SMARCA4: variants seen among roughly 807,000 people sequenced by gnomAD.
The protein encoded by SMARCA4 is SWI/SNF-related matrix-associated actin-dependent regulator of chromatin subfamily A member 4.
SMARCA4 carries 31 observed loss-of-function variants against 193.9 expected under a neutral mutation model. The observed-to-expected ratio is 0.16, with a 90% confidence interval of 0.12 to 0.22. The LOEUF (loss-of-function observed/expected upper bound fraction) is 0.22, where lower values mean the gene tolerates loss of function less well. Ranked by LOEUF, SMARCA4 falls within the 10% of genes least tolerant of loss-of-function variation. SMARCA4 has a pLI of 1.00. For missense variants in SMARCA4, 1,148 were observed against 2,296.0 expected (o/e 0.50, Z 10.22); for synonymous variants, 942 against 933.1 (o/e 1.01, Z -0.17).
chr19:10,966,275 C>T (rs1308400524), intron 1 of SMARCA4, among the ~76,000 whole-genome samples: 4 of 152,166 alleles, frequency 2.6e-5, no homozygotes, highest in Middle Eastern at 3.4e-3. Context: ...TGAGCTACCG[C>T]GCCCGGCCAG....
rs756255060 is a variant in SMARCA4, at chr19:11,060,147, C to T, written c.4871C>T (p.Pro1624Leu). The T allele has an allele frequency of 8.4e-6, 13 of 1,551,064 alleles. No individual in the cohort carries two copies. Among genetic ancestry groups the T allele is most frequent in the Middle Eastern group, 1.7e-4 (1 of 5,974 alleles). ...CCGAGCCGAGGGTCCCGAGCCAAGCCGGTCGTGAGTGACGATGACAGTGAG... is the reference window on the plus strand; with the variant it reads ...CCGAGCCGAGGGTCCCGAGCCAAGCTGGTCGTGAGTGACGATGACAGTGAG... ...RRPSRGSRAKPVVSDDDSEEE... is the reference protein window; with the variant it reads ...RRPSRGSRAKLVVSDDDSEEE... Residue 1624 changes from proline (P) to leucine (L), a missense_variant, in exon 34 of 35, where the codon CCG (proline) becomes CTG (leucine). Coordinates refer to ENST00000344626, the MANE Select transcript of SMARCA4 (RefSeq NM_003072.5).
At chr19:10,993,306 A>G (rs2086719032) in intron 8 of SMARCA4, among the ~76,000 whole-genome samples, 1 of 152,128 alleles carries the variant, frequency 6.6e-6, no homozygotes, top group African/African-American at 2.4e-5. Flanking sequence ...GTTTTTAAGT[A>G]TCATGGAAAC....
In SMARCA4 at chr19:11,059,900, G is replaced by C. The variant is rs113131294; in HGVS notation, c.4768+15G>C. 0.012 allele frequency: 20,043 copies of C among 1,613,726 alleles called. 169 individuals carry two copies. Among genetic ancestry groups the C allele is most frequent in the Non-Finnish European group, 0.015 (18,231 of 1,179,986 alleles). On this transcript the variant is annotated intron_variant, in intron 33 of 34. Transcript: ENST00000344626. ...CGAATCCGAATGTGAGTCCCGGGGGGGTTCAGGACGCCGGGGTTCACGCTG... is the reference window on the plus strand; with the variant it reads ...CGAATCCGAATGTGAGTCCCGGGGGCGTTCAGGACGCCGGGGTTCACGCTG...
intron 1 of SMARCA4, among the ~76,000 whole-genome samples, chr19:10,979,456 G>A (rs1176083719): frequency 2.1e-5 from 3 of 145,048 alleles, no homozygotes; most frequent in African/African-American, 5.1e-5. Flanking sequence ...TGTTGCCCAC[G>A]ATCATGGCTC....
intron 1 of SMARCA4, among the ~76,000 whole-genome samples, chr19:10,965,475 T>A (rs527536063): frequency 1.3e-5 from 2 of 152,366 alleles, no homozygotes; most frequent in South Asian, 2.1e-4. Context: ...AGTCATAAGT[T>A]CTGTATGTTT....
rs1261694348 is a variant in SMARCA4 at position 10,985,015 on chromosome 19, G to A, written c.223-258G>A. ...TCACGGGCCACAGGAGGTCCCGGGT[G>A]GTAGAAGATGAGGATTGCTTGACCA... On this transcript the variant is annotated intron_variant, in intron 2 of 34. Transcript: ENST00000344626. This position sits in a 1 kb window ranked among gnomAD's most constrained non-coding sequence, Gnocchi z 4.5. Among the ~76,000 whole-genome samples, 1 of 152,196 alleles carries A rather than the reference G, an allele frequency of 6.6e-6. No homozygotes were observed. The highest frequency in any genetic ancestry group is 1.9e-4 in the East Asian group (1 of 5,186).
At chr19:10,969,004 A>T (rs866860519) in intron 1 of SMARCA4, among the ~76,000 whole-genome samples, 2 of 152,024 alleles carry the variant, frequency 1.3e-5, no homozygotes, top group Non-Finnish European at 2.9e-5. Context: ...TCGACCTTCA[A>T]GGTTCTCATC....
intron 11 of SMARCA4, among the ~76,000 whole-genome samples, chr19:10,999,696 A>C (rs979720476): frequency 6.6e-6 from 1 of 152,114 alleles, no homozygotes; most frequent in Non-Finnish European, 1.5e-5. Flanking sequence ...TGACACCTCC[A>C]ATTCTAATCC....
At position 10,987,022 on chromosome 19, in the gene SMARCA4, G is replaced by A; in HGVS notation, c.859+19G>A. 6.4e-7 allele frequency: 1 copy of A among 1,567,356 alleles called. No individual in the cohort carries two copies. The highest frequency in any genetic ancestry group is 8.7e-7 in the Non-Finnish European group (1 of 1,148,470). On this transcript the variant is annotated intron_variant, in intron 5 of 34. Transcript: ENST00000344626. This position sits in a 1 kb window ranked among gnomAD's most constrained non-coding sequence, Gnocchi z 5.3. ...CCTGAAGGTGAGCTCCCTCTTCTAT[G>A]GTGGTGCACCCGTGCCCTTACTCCC...
chr19:11,045,328 AAG>A (rs1359847908), intron 30 of SMARCA4, among the ~76,000 whole-genome samples: 1 of 152,104 alleles, frequency 6.6e-6, no homozygotes, highest in African/African-American at 2.4e-5. Context: ...TAAAAAAAAA[AAG>A]AGGGCCTACT....
intron 9 of SMARCA4, 75 bp from the exon 10 acceptor site, chr19:10,996,138 G>T (rs2145965001): frequency 6.6e-7 from 1 of 1,520,140 alleles, no homozygotes; most frequent in South Asian, 1.1e-5. Context: ...GTGCGCTTCT[G>T]GATTGACTGG....
intron 1 of SMARCA4, among the ~76,000 whole-genome samples, chr19:10,964,964 G>A (rs2084100630): frequency 6.6e-6 from 1 of 152,114 alleles, no homozygotes; most frequent in African/African-American, 2.4e-5. Flanking sequence ...GAGGCCTAGG[G>A]TTATTTTCTT....
intron 16 of SMARCA4, among the ~76,000 whole-genome samples, chr19:11,017,026 CA>C (rs1329300901): frequency 2.0e-5 from 3 of 152,038 alleles, no homozygotes; most frequent in African/African-American, 7.3e-5. Flanking sequence ...TCTCAGTGGT[CA>C]GTGCTAGGAG....
At chr19:10,962,680 C>T (rs564293608) in intron 1 of SMARCA4, among the ~76,000 whole-genome samples, 16 of 152,172 alleles carry the variant, frequency 1.1e-4, no homozygotes, top group Non-Finnish European at 2.1e-4. Context: ...GTAGCTGGGA[C>T]TACAGGCGCC....
chr19:11,048,228 T>C (rs1391043080), intron 30 of SMARCA4, among the ~76,000 whole-genome samples: 3 of 148,600 alleles, frequency 2.0e-5, no homozygotes, highest in Non-Finnish European at 4.5e-5. Context: ...TTTAATTGGA[T>C]TTTTTTTTTT....
chr19:11,022,809 A>G (rs1249418821), intron 19 of SMARCA4, among the ~76,000 whole-genome samples: 4 of 152,092 alleles, frequency 2.6e-5, no homozygotes, highest in Non-Finnish European at 5.9e-5. Context: ...GCCTCGTGAT[A>G]AAGGAGTCCC....
At chr19:11,057,142 G>A (rs1365854675) in intron 30 of SMARCA4, among the ~76,000 whole-genome samples, 2 of 152,234 alleles carry the variant, frequency 1.3e-5, no homozygotes, top group Non-Finnish European at 2.9e-5. Flanking sequence ...GCTTGGGGCC[G>A]TTCCCTGGCT....
In SMARCA4 at chr19:11,058,238, C is replaced by T; in HGVS notation, c.4425-17C>T. On this transcript the variant is annotated splice_polypyrimidine_tract_variant and intron_variant, in intron 30 of 34. Coordinates refer to ENST00000344626, the MANE Select transcript of SMARCA4 (RefSeq NM_003072.5). This position sits in a 1 kb window ranked among gnomAD's most constrained non-coding sequence, Gnocchi z 5.8. ...TGGGCGGACTCGGGGGTGATAGCCG[C>T]CGGTTCTGCCTTGCAGCAGCAGTGG... 2 of 1,596,312 alleles carry T rather than the reference C, an allele frequency of 1.3e-6. No individual in the cohort carries two copies. The highest frequency in any genetic ancestry group is 1.7e-6 in the Non-Finnish European group (2 of 1,167,632).
chr19:10,965,973 T>TTTTTTTTTTC (rs1568388717), intron 1 of SMARCA4, among the ~76,000 whole-genome samples: 13 of 130,452 alleles, frequency 1.0e-4, no homozygotes, highest in African/African-American at 3.9e-4. Context: ...TGGCATGGTT[T>TTTTTTTTTTC]TTTTTTTTTT....
Sources: gnomAD v4.1 joint callset for allele counts (sites outside exome capture counted in the v4.1 genomes callset) on GRCh38, gnomAD v4.1.1 for gene constraint, Gnocchi (gnomAD v3.1) non-coding constraint, MANE v1.5 for transcripts, NCBI Gene and HGNC (gene_info 2026-07-23, HGNC 2026-07-21) for gene names.